The following USP37 variants were observed in gnomAD, a reference collection of about 807,000 sequenced individuals.
USP37 encodes ubiquitin specific peptidase 37, also known as ubiquitin carboxyl-terminal hydrolase 37.
Under a neutral mutation model 124.0 loss-of-function variants are expected in USP37, and 27 were observed. The ratio of observed to expected loss-of-function variants is 0.22; its 90% confidence interval spans 0.16 to 0.30. The LOEUF is 0.30. Among genes scored for constraint, USP37 ranks in the 10% least tolerant of loss-of-function variants. The pLI, the probability that USP37 is intolerant of heterozygous loss-of-function variation, is 1.00. For synonymous variants in USP37, 365 were observed against 388.0 expected (o/e 0.94, Z 0.70); for missense variants, 889 against 1,140.4 (o/e 0.78, Z 3.17).
rs531886131 is a variant in USP37 at position 218,481,165 on chromosome 2, A to G, written c.1835+905T>C. 4.2e-4 allele frequency among the ~76,000 whole-genome samples: 64 copies of G among 152,340 alleles called. 1 individual carries two copies. The highest frequency in any genetic ancestry group is 1.5e-3 in the African/African-American group (62 of 41,572). ...TATGTAGAAAAAAGGGGAACACTCA[A>G]AGAAGTCCGAAGGTTTTCCCAGCAT... is the stretch of plus-strand genomic sequence containing the variant. On this transcript the variant is annotated intron_variant, in intron 17 of 25. Transcript: ENST00000258399.
At chr2:218,469,271 C>T (rs982970912) in intron 20 of USP37, among the ~76,000 whole-genome samples, 2 of 151,670 alleles carry the variant, frequency 1.3e-5, no homozygotes, top group African/African-American at 4.8e-5. Context: ...GAGAAACAAC[C>T]CTTGCCATGG....
rs1240502819 is a variant in USP37, at chr2:218,457,084, C to T, written c.2713+8G>A. 3.7e-6 allele frequency: 6 copies of T among 1,613,122 alleles called. No homozygotes were observed. Among genetic ancestry groups the T allele is most frequent in the Non-Finnish European group, 5.1e-6 (6 of 1,179,546 alleles). On this transcript the variant is annotated splice_region_variant and intron_variant, in intron 24 of 25. Transcript: ENST00000258399. ...TTATAAAATGCTGAAATCATGATGG[C>T]TATTCACCTGAAGAAGAAGTGCTAC...
At chr2:218,497,435 C>T (rs1689140707) in intron 13 of USP37, among the ~76,000 whole-genome samples, 1 of 151,282 alleles carries the variant, frequency 6.6e-6, no homozygotes, top group South Asian at 2.1e-4. Context: ...GCTCTGTCAC[C>T]CAGGCTATAG....
intron 3 of USP37, among the ~76,000 whole-genome samples, chr2:218,559,143 C>CA (rs568480405): frequency 2.6e-5 from 4 of 151,658 alleles, no homozygotes; most frequent in Admixed American, 6.6e-5. Context: ...TCTATCGCTA[C>CA]AAAAAAACTG....
At chr2:218,548,982 C>T (rs914634058) in intron 6 of USP37, among the ~76,000 whole-genome samples, 6 of 152,226 alleles carry the variant, frequency 3.9e-5, no homozygotes, top group South Asian at 2.1e-4. Context: ...CAAAATTACA[C>T]GCTCATTCCA....
At chr2:218,544,459 A>AGAGAGAGAGAGAGAGG (rs1457872657) in intron 8 of USP37, among the ~76,000 whole-genome samples, 15 of 143,300 alleles carry the variant, frequency 1.0e-4, no homozygotes, top group African/African-American at 3.9e-4. Context: ...AGAGAGAGAG[A>AGAGAGAGAGAGAGAGG]GACCCCAATT....
intron 25 of USP37, among the ~76,000 whole-genome samples, chr2:218,455,229 T>C (rs1047545464): frequency 6.6e-6 from 1 of 152,212 alleles, no homozygotes; most frequent in Non-Finnish European, 1.5e-5. Flanking sequence ...AACAGTTAGC[T>C]TTAATGAACA....
At position 218,475,616 on chromosome 2, in the gene USP37, A is replaced by G. The variant is rs535750213; in HGVS notation, c.2044-731T>C. Among the ~76,000 whole-genome samples the G allele has an allele frequency of 3.2e-3, 489 of 152,308 alleles. 1 individual carries two copies. The highest frequency in any genetic ancestry group is 0.011 in the African/African-American group (470 of 41,572). ...GCCAGGCATGGTGGCACGCACCTGT[A>G]GTCCCAGCTACTAGGGAGACAGAGA... On this transcript the variant is annotated intron_variant, in intron 19 of 25. Coordinates refer to ENST00000258399, the MANE Select transcript of USP37 (RefSeq NM_020935.3).
rs1313328951 is a variant in USP37 at position 218,450,978 on chromosome 2, C to A, written c.*3952G>T. ...CCTGAAGTCTAGTAATCAAAGCATG[C>A]CATAAGGTGAATGATTGTGGTTAAA... On this transcript the variant is annotated 3_prime_UTR_variant, in exon 26 of 26. Coordinates refer to ENST00000258399, the MANE Select transcript of USP37 (RefSeq NM_020935.3). 1 of 152,056 alleles carries A rather than the reference C, an allele frequency of 6.6e-6. No homozygotes were observed. The highest frequency in any genetic ancestry group is 2.4e-5 in the African/African-American group (1 of 41,364). The allele number at this position is 152,056 out of a possible 1,614,324, so 9.4% of individuals were successfully genotyped here.
At chr2:218,494,029 T>C (rs999938281) in intron 14 of USP37, among the ~76,000 whole-genome samples, 2 of 152,234 alleles carry the variant, frequency 1.3e-5, no homozygotes, top group African/African-American at 4.8e-5. Flanking sequence ...TATTATTAAC[T>C]GCTGTTGGAC....
intron 10 of USP37, among the ~76,000 whole-genome samples, chr2:218,517,217 C>T (rs1690341830): frequency 6.6e-6 from 1 of 152,074 alleles, no homozygotes; most frequent in Admixed American, 6.6e-5. Context: ...TATTCTGTGT[C>T]TTCCTTCACT....
intron 8 of USP37, among the ~76,000 whole-genome samples, chr2:218,537,361 TC>T (rs1162521731): frequency 6.6e-6 from 1 of 152,174 alleles, no homozygotes; most frequent in African/African-American, 2.4e-5. Context: ...ATGTGAATAA[TC>T]CCAGGCTAGC....
chr2:218,529,258 C>T (rs1403229786), intron 10 of USP37, among the ~76,000 whole-genome samples: 2 of 152,180 alleles, frequency 1.3e-5, no homozygotes, highest in African/African-American at 4.8e-5. Context: ...ATAATCCCAA[C>T]ACTTTGGGAG....
At chr2:218,463,826 C>A (rs1021068346) in intron 21 of USP37, among the ~76,000 whole-genome samples, 1 of 147,308 alleles carries the variant, frequency 6.8e-6, no homozygotes, top group Non-Finnish European at 1.5e-5. Context: ...TGAGCCACTG[C>A]GCCCGGCCCA....
chr2:218,513,553 C>T (rs979011336), intron 10 of USP37, among the ~76,000 whole-genome samples: 2 of 152,188 alleles, frequency 1.3e-5, no homozygotes, highest in African/African-American at 4.8e-5. Flanking sequence ...TCCTCCCACT[C>T]CTCTCTGCCT....
intron 10 of USP37, among the ~76,000 whole-genome samples, chr2:218,526,475 GT>G (rs1690972681): frequency 6.6e-6 from 1 of 151,974 alleles, no homozygotes; most frequent in East Asian, 1.9e-4. Context: ...CTGTCTTTAG[GT>G]TTTTGAGGAA....
intron 4 of USP37, among the ~76,000 whole-genome samples, chr2:218,554,601 G>T (rs1692854487): frequency 6.6e-6 from 1 of 152,096 alleles, no homozygotes; most frequent in Non-Finnish European, 1.5e-5. Context: ...ACAAAAAGTA[G>T]CCAGGCATAG....
intron 8 of USP37, among the ~76,000 whole-genome samples, chr2:218,545,390 T>A (rs554628828): frequency 1.3e-5 from 2 of 152,280 alleles, no homozygotes; most frequent in East Asian, 3.9e-4. Context: ...GCTACCTTGG[T>A]CCACAAAATG....
chr2:218,555,473 T>C lies in USP37; in HGVS notation c.157-1749A>G, dbSNP rs1355312105. 2.0e-5 allele frequency among the ~76,000 whole-genome samples: 3 copies of C among 152,264 alleles called. No homozygotes were observed. In the East Asian group the frequency reaches 5.8e-4, roughly 29 times the overall value. ...CACAATAATTCGTTTTAGATGCTTT[T>C]AACTCCAAAATACTTAAATAAGCAG... On this transcript the variant is annotated intron_variant, in intron 4 of 25. Coordinates refer to ENST00000258399, the MANE Select transcript of USP37 (RefSeq NM_020935.3).
Sources: allele counts gnomAD v4.1 joint callset (sites outside exome capture counted in the v4.1 genomes callset), GRCh38; gene constraint gnomAD v4.1.1; transcripts MANE v1.5; gene names NCBI Gene and HGNC (gene_info 2026-07-23, HGNC 2026-07-21).